The following RORB variants were observed in gnomAD, a reference collection of about 807,000 sequenced individuals.
The protein encoded by RORB is RAR related orphan receptor B.
RORB carries 6 observed loss-of-function variants against 59.1 expected under a neutral mutation model. That is an observed-to-expected ratio of 0.10 (90% CI 0.06 to 0.20). The LOEUF (loss-of-function observed/expected upper bound fraction) is 0.20, where lower values mean the gene tolerates loss of function less well. Among genes scored for constraint, RORB ranks in the 10% least tolerant of loss-of-function variants. The pLI is 1.00. For synonymous variants in RORB, 215 were observed against 204.5 expected, an observed-to-expected ratio of 1.05 and a Z score of -0.44; for missense variants, 320 against 560.5, an observed-to-expected ratio of 0.57 and a Z score of 4.33.
chr9:74,521,988 C>A (rs181654471), intron 1 of RORB, among the ~76,000 whole-genome samples: 2 of 151,688 alleles, frequency 1.3e-5, no homozygotes, highest in African/African-American at 2.4e-5. Context: ...TGCAACAGGC[C>A]TTGGTTCTGT....
At chr9:74,534,533 C>T (rs1826292315) in intron 1 of RORB, among the ~76,000 whole-genome samples, 1 of 151,834 alleles carries the variant, frequency 6.6e-6, no homozygotes, top group African/African-American at 2.4e-5. Context: ...CATATTTTGC[C>T]CCTGGCACCA....
chr9:74,657,286 C>G (rs1299583040), intron 4 of RORB, among the ~76,000 whole-genome samples: 2 of 151,986 alleles, frequency 1.3e-5, no homozygotes, highest in Admixed American at 6.6e-5. Flanking sequence ...GGGATGGTCT[C>G]GATCTCCTGA....
chr9:74,580,961 T>G (rs749441720), intron 1 of RORB, among the ~76,000 whole-genome samples: 7 of 152,158 alleles, frequency 4.6e-5, no homozygotes, highest in Non-Finnish European at 1.0e-4. Flanking sequence ...GAATGAAGTT[T>G]TGCCCCACCC....
intron 1 of RORB, among the ~76,000 whole-genome samples, chr9:74,549,586 AAGGAAGGAAGGAAGGAAGGAAGAAAGG>A (rs1826566814): frequency 1.3e-5 from 1 of 78,032 alleles, no homozygotes; most frequent in African/African-American, 5.6e-5. Flanking sequence ...GGAAGGAAGG[AAGGAAGGAAGGAAGGAAGGAAGAAAGG>A]AAGGAAGGAA....
chr9:74,679,923 A>C (rs1824516934), intron 9 of RORB, among the ~76,000 whole-genome samples: 1 of 152,120 alleles, frequency 6.6e-6, no homozygotes, highest in African/African-American at 2.4e-5. Context: ...CAACATGGTG[A>C]AATCCCATCT....
At position 74,497,965 on chromosome 9, in the gene RORB, A is replaced by G. The variant is rs1307671479; in HGVS notation, c.-12A>G. 2 of 1,611,816 alleles carry G rather than the reference A, an allele frequency of 1.2e-6. No individual in the cohort carries two copies. Among genetic ancestry groups the G allele is most frequent in the East Asian group, 2.2e-5 (1 of 44,798 alleles). ...GCTTCATGACTACGCGGAGCGGGAG[A>G]GCGGCCACACCATGCGAGGTAAGCG... is the stretch of plus-strand genomic sequence containing the variant. On this transcript the variant is annotated 5_prime_UTR_variant, in exon 1 of 10. Coordinates refer to ENST00000376896, the MANE Select transcript of RORB (RefSeq NM_006914.4).
At chr9:74,659,070 T>C (rs1367982510) in intron 4 of RORB, among the ~76,000 whole-genome samples, 2 of 152,228 alleles carry the variant, frequency 1.3e-5, no homozygotes, top group East Asian at 3.9e-4. Flanking sequence ...GGAGTCATCA[T>C]ATTGCTCCCC....
chr9:74,521,158 T>G (rs990346973), intron 1 of RORB, among the ~76,000 whole-genome samples: 6 of 151,922 alleles, frequency 3.9e-5, no homozygotes, highest in Non-Finnish European at 7.4e-5. Context: ...TCTGGAAAGA[T>G]AATTTATTCC....
intron 1 of RORB, among the ~76,000 whole-genome samples, chr9:74,500,760 GGAAA>G (rs1825794418): frequency 6.6e-6 from 1 of 152,106 alleles, no homozygotes; most frequent in Admixed American, 6.5e-5. Context: ...GAAGCTACGG[GGAAA>G]GAAAGGGGTT....
chr9:74,562,754 CT>C (rs1229481879), intron 1 of RORB, among the ~76,000 whole-genome samples: 1 of 152,176 alleles, frequency 6.6e-6, no homozygotes, highest in African/African-American at 2.4e-5. Context: ...TTTTTGAAAA[CT>C]CTTTTTAAAT....
chr9:74,549,243 T>C (rs1826551011), intron 1 of RORB, among the ~76,000 whole-genome samples: 1 of 151,850 alleles, frequency 6.6e-6, no homozygotes, highest in African/African-American at 2.4e-5. Context: ...GTCAGGAGTT[T>C]GAGACCAGCC....
chr9:74,637,570 A>G (rs918542819), intron 3 of RORB, among the ~76,000 whole-genome samples: 2 of 122,912 alleles, frequency 1.6e-5, no homozygotes, highest in African/African-American at 3.0e-5. Context: ...AGCCTACTGA[A>G]TCTTCTCCAT....
chr9:74,504,491 T>C (rs1825842490), intron 1 of RORB, among the ~76,000 whole-genome samples: 3 of 152,068 alleles, frequency 2.0e-5, no homozygotes, highest in Admixed American at 2.0e-4. Flanking sequence ...TATGCTCTTA[T>C]AAAAGAACAA....
chr9:74,674,170 G>T (rs920176507), intron 9 of RORB, among the ~76,000 whole-genome samples: 12 of 152,148 alleles, frequency 7.9e-5, no homozygotes, highest in African/African-American at 2.9e-4. Flanking sequence ...TTATTTAAAT[G>T]TGAGAGAAAC....
intron 9 of RORB, among the ~76,000 whole-genome samples, chr9:74,677,428 A>T (rs933152441): frequency 6.6e-6 from 1 of 152,240 alleles, no homozygotes; most frequent in African/African-American, 2.4e-5. Context: ...TTATGATTAT[A>T]TGTTGAAATA....
At position 74,535,124 on chromosome 9, in the gene RORB, C is replaced by A. The variant is rs565714313; in HGVS notation, c.7+37141C>A. ...ATGCAGTTATTTTACATGAAAACTG[C>A]AGTCTTTCCCAGAGCACCATAGGGG... On this transcript the variant is annotated intron_variant, in intron 1 of 9. Transcript: ENST00000376896. 1.9e-4 allele frequency among the ~76,000 whole-genome samples: 29 copies of A among 150,586 alleles called. No individual in the cohort carries two copies. The South Asian group carries it at 2.1e-3, about 11-fold the overall frequency.
intron 1 of RORB, among the ~76,000 whole-genome samples, chr9:74,500,113 A>G (rs1391606339): frequency 6.6e-6 from 1 of 152,142 alleles, no homozygotes. Flanking sequence ...CCACAGACCT[A>G]TCAAAGAGGG....
rs192530264 is a variant in RORB at position 74,580,616 on chromosome 9, T to C, written c.8-49666T>C. The stretch of plus-strand genomic sequence containing the variant: ...TATAATGATTTTTTTAGGAATATAC[T>C]TTTTTTCTGAAAGGAATTAAGGCCA... On this transcript the variant is annotated intron_variant, in intron 1 of 9. Transcript: ENST00000376896. Among the ~76,000 whole-genome samples, 1,007 of 152,192 alleles carry C rather than the reference T, an allele frequency of 6.6e-3. 16 individuals carry two copies. Among genetic ancestry groups the C allele is most frequent in the African/African-American group, 0.023 (958 of 41,530 alleles).
chr9:74,586,575 T>C (rs888056230), intron 1 of RORB, among the ~76,000 whole-genome samples: 8 of 151,450 alleles, frequency 5.3e-5, no homozygotes, highest in Non-Finnish European at 8.8e-5. Flanking sequence ...TAAAATCGTA[T>C]GCAAATGAGT....
Sources: allele counts gnomAD v4.1 joint callset (sites outside exome capture counted in the v4.1 genomes callset), GRCh38; gene constraint gnomAD v4.1.1; transcripts MANE v1.5; gene names NCBI Gene and HGNC (gene_info 2026-07-23, HGNC 2026-07-21).